Variants in RABGAP1L observed in about 807,000 individuals in gnomAD.
The protein encoded by RABGAP1L is RAB GTPase activating protein 1 like, also known as rab GTPase-activating protein 1-like.
RABGAP1L carries 63 observed loss-of-function variants against 137.7 expected under a neutral mutation model. That is an observed-to-expected ratio of 0.46 (90% CI 0.37 to 0.56). The LOEUF (loss-of-function observed/expected upper bound fraction) is 0.56, where lower values mean the gene tolerates loss of function less well. Among genes scored for constraint, RABGAP1L ranks in the 20% least tolerant of loss-of-function variants. The pLI is 0.00. For missense variants in RABGAP1L, 1,095 were observed against 1,244.0 expected, an observed-to-expected ratio of 0.88 and a Z score of 1.80; for synonymous variants, 431 against 433.7, an observed-to-expected ratio of 0.99 and a Z score of 0.08.
At chr1:174,227,146 C>G (rs956395713) in intron 3 of RABGAP1L, among the ~76,000 whole-genome samples, 16 of 151,714 alleles carry the variant, frequency 1.1e-4, no homozygotes, top group African/African-American at 3.9e-4. Context: ...TCTTGGCCCA[C>G]CAAACCTAAA....
intron 15 of RABGAP1L, among the ~76,000 whole-genome samples, chr1:174,697,615 G>A (rs534175226): frequency 5.5e-4 from 83 of 152,280 alleles, no homozygotes; most frequent in African/African-American, 1.8e-3. Flanking sequence ...CACCGCGCCC[G>A]GCCTGGCTAC....
chr1:174,888,777 G>A (rs1463448725), intron 19 of RABGAP1L, among the ~76,000 whole-genome samples: 1 of 152,056 alleles, frequency 6.6e-6, no homozygotes, highest in Non-Finnish European at 1.5e-5. Context: ...GATTACAGAC[G>A]TGAGCCACCA....
At chr1:174,896,352 T>G (rs568726623) in intron 19 of RABGAP1L, among the ~76,000 whole-genome samples, 104 of 152,364 alleles carry the variant, frequency 6.8e-4, no homozygotes, top group South Asian at 3.1e-3. Context: ...CTTTGTCAGA[T>G]GAGTAGATTG....
chr1:174,776,406 G>T (rs1686529214), intron 18 of RABGAP1L, among the ~76,000 whole-genome samples: 1 of 151,922 alleles, frequency 6.6e-6, no homozygotes, highest in Admixed American at 6.6e-5. Flanking sequence ...AATAAAGTTG[G>T]TATTAGAGAA....
chr1:174,624,581 T>G (rs1459816384), intron 13 of RABGAP1L, among the ~76,000 whole-genome samples: 3 of 152,180 alleles, frequency 2.0e-5, no homozygotes, highest in Non-Finnish European at 4.4e-5. Flanking sequence ...AATCATCTTG[T>G]AAAAATGATG....
At chr1:174,953,532 A>G (rs1349588756) in intron 19 of RABGAP1L, among the ~76,000 whole-genome samples, 1 of 152,204 alleles carries the variant, frequency 6.6e-6, no homozygotes, top group Non-Finnish European at 1.5e-5. Flanking sequence ...ACCCACTCTC[A>G]TCTGTAATGA....
At chr1:174,904,131 A>G (rs1658628741) in intron 19 of RABGAP1L, among the ~76,000 whole-genome samples, 1 of 152,036 alleles carries the variant, frequency 6.6e-6, no homozygotes, top group South Asian at 2.1e-4. Flanking sequence ...TTCCATATCC[A>G]AGGTTCTGCT....
chr1:174,455,912 T>C (rs892597720), intron 13 of RABGAP1L, among the ~76,000 whole-genome samples: 2 of 152,108 alleles, frequency 1.3e-5, no homozygotes, highest in African/African-American at 4.8e-5. Context: ...CAAGATCATG[T>C]CGTTTGACAA....
intron 13 of RABGAP1L, among the ~76,000 whole-genome samples, chr1:174,612,894 G>T (rs1322087590): frequency 6.6e-6 from 1 of 151,754 alleles, no homozygotes; most frequent in Non-Finnish European, 1.5e-5. Flanking sequence ...TGTGGGATCG[G>T]TGGTGATATC....
intron 1 of RABGAP1L, among the ~76,000 whole-genome samples, chr1:174,186,847 G>A (rs897052466): frequency 6.6e-6 from 1 of 152,110 alleles, no homozygotes; most frequent in Non-Finnish European, 1.5e-5. Flanking sequence ...TTGGGCCAAG[G>A]CCTTCTGGCA....
At chr1:174,705,120 G>C (rs1679954028) in intron 17 of RABGAP1L, 1 of 151,754 alleles carries the variant, frequency 6.6e-6, no homozygotes, top group Non-Finnish European at 1.5e-5. Flanking sequence ...TGGTTCTATA[G>C]TGTTCATTGT....
intron 17 of RABGAP1L, among the ~76,000 whole-genome samples, chr1:174,748,636 T>TGA: frequency 6.6e-6 from 1 of 151,724 alleles, no homozygotes; most frequent in Middle Eastern, 3.4e-3. Context: ...TTTGGGAGGC[T>TGA]GAGGCAGGAG....
chr1:174,420,407 A>G (rs1651115041), intron 13 of RABGAP1L, among the ~76,000 whole-genome samples: 1 of 152,140 alleles, frequency 6.6e-6, no homozygotes, highest in Admixed American at 6.5e-5. Flanking sequence ...GTTATTCATG[A>G]TATAGTTGAT....
chr1:174,916,656 G>T (rs186195622), intron 19 of RABGAP1L, among the ~76,000 whole-genome samples: 75 of 152,296 alleles, frequency 4.9e-4, no homozygotes, highest in African/African-American at 1.7e-3. Context: ...ATTTGATGTG[G>T]TGGCTGCGTT....
At chr1:174,442,687 T>C (rs540924577) in intron 13 of RABGAP1L, among the ~76,000 whole-genome samples, 70 of 152,284 alleles carry the variant, frequency 4.6e-4, no homozygotes, top group Non-Finnish European at 7.8e-4. Flanking sequence ...ATCAGGGAAA[T>C]TGGGACATCT....
At chr1:174,350,219 T>G (rs1571347555) in intron 11 of RABGAP1L, among the ~76,000 whole-genome samples, 14 of 115,960 alleles carry the variant, frequency 1.2e-4, no homozygotes, top group Non-Finnish European at 1.8e-4. Context: ...CCGGACGGGG[T>G]GGCTGCCGGG....
intron 20 of RABGAP1L, among the ~76,000 whole-genome samples, chr1:174,965,143 T>G (rs568034488): frequency 2.0e-5 from 3 of 152,316 alleles, no homozygotes; most frequent in African/African-American, 7.2e-5. Context: ...TTATCTGCTT[T>G]TTGTTCAAAC....
chr1:174,695,368 C>T (rs1489965547), intron 15 of RABGAP1L, among the ~76,000 whole-genome samples: 7 of 151,994 alleles, frequency 4.6e-5, no homozygotes, highest in Non-Finnish European at 8.8e-5. Context: ...CTCACTGATT[C>T]TTCTGCTTGA....
chr1:174,173,665 GTATT>G (rs1665593841), intron 1 of RABGAP1L, among the ~76,000 whole-genome samples: 2 of 150,520 alleles, frequency 1.3e-5, no homozygotes, highest in African/African-American at 4.9e-5. Flanking sequence ...TTTTCAACAA[GTATT>G]TATTTATAAG....
Sources: allele counts gnomAD v4.1 joint callset (sites outside exome capture counted in the v4.1 genomes callset), GRCh38; gene constraint gnomAD v4.1.1; transcripts MANE v1.5; gene names NCBI Gene and HGNC (gene_info 2026-07-23, HGNC 2026-07-21).